PLPP3: variants seen among roughly 807,000 people sequenced by gnomAD.
PLPP3 encodes the protein phospholipid phosphatase 3.
PLPP3 carries 6 observed loss-of-function variants against 29.6 expected under a neutral mutation model. The ratio of observed to expected loss-of-function variants is 0.20; its 90% CI spans 0.11 to 0.40. PLPP3 has a LOEUF of 0.40. Ranked by LOEUF, PLPP3 falls within the 10% of genes least tolerant of loss-of-function variation. The probability of loss-of-function intolerance (pLI) is 1.00; values close to 1 mark genes in which losing one functional copy is unlikely to be tolerated. For missense variants in PLPP3, 308 were observed against 407.7 expected, an observed-to-expected ratio of 0.76 and a Z score of 2.11; for synonymous variants, 152 against 159.7, an observed-to-expected ratio of 0.95 and a Z score of 0.36.
chr1:56,571,040 C>T (rs898140897), intron 1 of PLPP3, among the ~76,000 whole-genome samples: 3 of 152,142 alleles, frequency 2.0e-5, no homozygotes, highest in South Asian at 2.1e-4. Flanking sequence ...TACTGACGCA[C>T]GCAAGAGAGA....
chr1:56,550,784 T>A (rs752058478), intron 1 of PLPP3, among the ~76,000 whole-genome samples: 14 of 152,228 alleles, frequency 9.2e-5, no homozygotes, highest in Non-Finnish European at 1.5e-4. Context: ...TTATTCCCCT[T>A]CACCATGGTA....
chr1:56,523,932 A>G (rs1367571369), intron 3 of PLPP3, 52 bp from the exon 4 acceptor site: 4 of 1,574,346 alleles, frequency 2.5e-6, no homozygotes, highest in Non-Finnish European at 3.5e-6. Context: ...TCCCTGATAC[A>G]CACTTGTCTG....
intron 5 of PLPP3, among the ~76,000 whole-genome samples, chr1:56,499,884 G>A (rs965206352): frequency 6.6e-6 from 1 of 152,132 alleles, no homozygotes; most frequent in Non-Finnish European, 1.5e-5. Flanking sequence ...CAGAGGCCCA[G>A]GCTGGGAAGG....
At chr1:56,576,178 A>G (rs973429339) in intron 1 of PLPP3, among the ~76,000 whole-genome samples, 3 of 152,272 alleles carry the variant, frequency 2.0e-5, no homozygotes, top group African/African-American at 7.2e-5. Flanking sequence ...CATAACACTG[A>G]CATAGCACAT....
At position 56,532,469 on chromosome 1, in the gene PLPP3, GGA is replaced by G. The variant is rs1394983504; in HGVS notation, c.297+4484_297+4485del. ...CTTGGCAGGGCTCTTGTAGATAAAG[GGA>G]GATGGAGGGGTGGGGAGGAACTAAT... On this transcript the variant is annotated intron_variant, in intron 2 of 5. Coordinates refer to ENST00000371250, the MANE Select transcript of PLPP3 (RefSeq NM_003713.5). 5.3e-5 allele frequency among the ~76,000 whole-genome samples: 8 copies of G among 152,122 alleles called. 1 individual carries two copies. Among genetic ancestry groups the G allele is most frequent in the Admixed American group, 5.2e-4 (8 of 15,268 alleles).
intron 1 of PLPP3, among the ~76,000 whole-genome samples, chr1:56,574,552 A>G (rs1012301086): frequency 6.6e-6 from 1 of 152,108 alleles, no homozygotes; most frequent in Non-Finnish European, 1.5e-5. Flanking sequence ...ACTGCACCCA[A>G]CGAGGCTCTT....
chr1:56,546,003 G>A (rs991883112), intron 1 of PLPP3, among the ~76,000 whole-genome samples: 1 of 152,212 alleles, frequency 6.6e-6, no homozygotes, highest in Non-Finnish European at 1.5e-5. Flanking sequence ...TAGCTCAAAG[G>A]TCACAAGCTG....
intron 1 of PLPP3, among the ~76,000 whole-genome samples, chr1:56,551,192 C>A (rs888270743): frequency 7.9e-5 from 12 of 152,146 alleles, no homozygotes; most frequent in Non-Finnish European, 1.8e-4. Context: ...GGTATCCTTG[C>A]GCACAATGTG....
At chr1:56,555,289 C>T (rs1420914900) in intron 1 of PLPP3, among the ~76,000 whole-genome samples, 1 of 151,654 alleles carries the variant, frequency 6.6e-6, no homozygotes, top group East Asian at 1.9e-4. Flanking sequence ...CTGTCCCCTG[C>T]ACATGGACAC....
At chr1:56,534,594 T>C (rs1645912083) in intron 2 of PLPP3, among the ~76,000 whole-genome samples, 2 of 152,174 alleles carry the variant, frequency 1.3e-5, no homozygotes, top group Non-Finnish European at 2.9e-5. Flanking sequence ...TCTGTCACTC[T>C]TGCCCTCTAA....
intron 1 of PLPP3, among the ~76,000 whole-genome samples, chr1:56,576,373 G>A (rs979954205): frequency 6.6e-6 from 1 of 152,068 alleles, no homozygotes; most frequent in African/African-American, 2.4e-5. Context: ...ATTTTTTTTA[G>A]GACTGTGGTG....
chr1:56,526,677 A>C (rs1645854934), intron 2 of PLPP3, among the ~76,000 whole-genome samples: 1 of 152,154 alleles, frequency 6.6e-6, no homozygotes, highest in Non-Finnish European at 1.5e-5. Context: ...ATTTGGGATA[A>C]ATTGGTTTCT....
At chr1:56,500,521 C>T (rs1645659999) in intron 5 of PLPP3, among the ~76,000 whole-genome samples, 1 of 152,176 alleles carries the variant, frequency 6.6e-6, no homozygotes, top group South Asian at 2.1e-4. Flanking sequence ...AAAGGGAGTA[C>T]AGCACATCCA....
At chr1:56,562,418 A>G (rs1311850162) in intron 1 of PLPP3, among the ~76,000 whole-genome samples, 1 of 152,248 alleles carries the variant, frequency 6.6e-6, no homozygotes, top group Non-Finnish European at 1.5e-5. Flanking sequence ...AAATCTGTAA[A>G]GACATTTTTT....
chr1:56,543,264 T>C (rs1322994868), intron 1 of PLPP3, among the ~76,000 whole-genome samples: 1 of 152,180 alleles, frequency 6.6e-6, no homozygotes, highest in African/African-American at 2.4e-5. Flanking sequence ...ATCTCCACGA[T>C]AGCTATGAAA....
At position 56,512,078 on chromosome 1, in the gene PLPP3, CATG is replaced by C; in HGVS notation, c.705_707del (p.Ile235del). 6.2e-7 allele frequency: 1 copy of C among 1,613,492 alleles called. No homozygotes were observed. The highest frequency in any genetic ancestry group is 8.5e-7 in the Non-Finnish European group (1 of 1,179,766). Reference sequence around the variant, plus strand: ...GAGACAGTCCCGTGTAGAAGGCCATCATGATCAAGGTGAACTGCAGGAGGGGCC... The same window carrying C: ...GAGACAGTCCCGTGTAGAAGGCCATCATCAAGGTGAACTGCAGGAGGGGCC... On this transcript the variant is annotated inframe_deletion, in exon 5 of 6. Transcript: ENST00000371250.
At chr1:56,504,423 A>G (rs1445983145) in intron 5 of PLPP3, among the ~76,000 whole-genome samples, 1 of 152,186 alleles carries the variant, frequency 6.6e-6, no homozygotes, top group Non-Finnish European at 1.5e-5. Flanking sequence ...GGGGACTGAC[A>G]GCTCTGTCTA....
At chr1:56,562,741 A>T (rs2404719) in intron 1 of PLPP3, among the ~76,000 whole-genome samples, 134,751 of 152,246 alleles carry the variant, frequency 0.89, 59,845 homozygotes, top group Non-Finnish European at 0.92. Context: ...TCTTAGACTC[A>T]ATATTTTTAA....
intron 4 of PLPP3, among the ~76,000 whole-genome samples, chr1:56,514,665 A>G (rs1295255833): frequency 6.6e-6 from 1 of 152,226 alleles, no homozygotes; most frequent in Non-Finnish European, 1.5e-5. Context: ...GAAGGAAAGA[A>G]TACTTATTTG....
Sources: gnomAD v4.1 joint callset for allele counts (sites outside exome capture counted in the v4.1 genomes callset) on GRCh38, gnomAD v4.1.1 for gene constraint, MANE v1.5 for transcripts, NCBI Gene and HGNC (gene_info 2026-07-23, HGNC 2026-07-21) for gene names.